The following SMIM36 variants were observed in gnomAD, a reference collection of about 807,000 sequenced individuals.
SMIM36 encodes small integral membrane protein 36.
At chr17:55,506,342 G>A (rs1246862280) in intron 1 of SMIM36, among the ~76,000 whole-genome samples, 1 of 13,346 alleles carries the variant, frequency 7.5e-5, no homozygotes, top group East Asian at 3.0e-3. Context: ...CAAGGCTACA[G>A]TAACCAAAAC....
At chr17:55,464,232 A>G (rs1158135911) in intron 4 of SMIM36, among the ~76,000 whole-genome samples, 3 of 152,206 alleles carry the variant, frequency 2.0e-5, no homozygotes, top group Admixed American at 2.0e-4. Context: ...TTAATTAATT[A>G]ATTGATTGAT....
upstream of SMIM36, among the ~76,000 whole-genome samples, chr17:55,515,213 G>T (rs1373728488): frequency 6.9e-6 from 1 of 144,762 alleles, no homozygotes; most frequent in Non-Finnish European, 1.5e-5. Flanking sequence ...AAAACCAAAT[G>T]CTAGCCATCT....
the SMIM36 span, among the ~76,000 whole-genome samples, chr17:55,524,321 C>T: frequency 6.6e-6 from 1 of 152,100 alleles, no homozygotes; most frequent in Non-Finnish European, 1.5e-5. Context: ...TGTAATCTGT[C>T]ATCGATGGAC....
intron 1 of SMIM36, among the ~76,000 whole-genome samples, chr17:55,492,255 T>C (rs1909722187): frequency 6.9e-6 from 1 of 145,728 alleles, no homozygotes; most frequent in Non-Finnish European, 1.5e-5. Context: ...TTTTTTTTTT[T>C]TTTTTTGAGA....
chr17:55,521,791 C>G, the SMIM36 span, among the ~76,000 whole-genome samples: 1 of 151,912 alleles, frequency 6.6e-6, no homozygotes, highest in Non-Finnish European at 1.5e-5. Flanking sequence ...AGCAGAAAAT[C>G]CTGGGGGCTC....
exon 1 of SMIM36, chr17:55,510,926 G>A: frequency 5.1e-6 from 2 of 395,692 alleles, no homozygotes; most frequent in Admixed American, 8.8e-5. Flanking sequence ...AAAACAGCAA[G>A]TAAGACAGAG....
At chr17:55,510,624 G>A (rs1316757420) in intron 1 of SMIM36, among the ~76,000 whole-genome samples, 1 of 152,036 alleles carries the variant, frequency 6.6e-6, no homozygotes, top group South Asian at 2.1e-4. Context: ...ACAAAAAACT[G>A]GTTGCCTTGG....
At chr17:55,465,457 G>T (rs1224297765) in intron 4 of SMIM36, among the ~76,000 whole-genome samples, 1 of 152,162 alleles carries the variant, frequency 6.6e-6, no homozygotes. Context: ...GAAGACTTAG[G>T]AGTTGGGGTG....
intron 3 of SMIM36, among the ~76,000 whole-genome samples, chr17:55,474,223 G>C (rs936103078): frequency 2.6e-5 from 4 of 152,172 alleles, no homozygotes; most frequent in Non-Finnish European, 4.4e-5. Context: ...TCTGCGGCTT[G>C]TCCTGCTACA....
At chr17:55,501,962 C>T (rs111653047) in intron 1 of SMIM36, among the ~76,000 whole-genome samples, 1,117 of 134,596 alleles carry the variant, frequency 8.3e-3, no homozygotes, top group African/African-American at 0.012. Context: ...AAAGGGGTGA[C>T]GGACGCACCT....
At chr17:55,491,936 A>G (rs569470018) in intron 1 of SMIM36, among the ~76,000 whole-genome samples, 3,929 of 151,952 alleles carry the variant, frequency 0.026, 66 homozygotes, top group South Asian at 0.06. Context: ...GAGGTGGGGG[A>G]ATCACGAGGT....
the SMIM36 span, among the ~76,000 whole-genome samples, chr17:55,531,697 G>C: frequency 6.6e-5 from 10 of 152,152 alleles, no homozygotes; most frequent in African/African-American, 2.2e-4. Flanking sequence ...CTTTGTATGG[G>C]CTACTTTTAT....
intron 4 of SMIM36, among the ~76,000 whole-genome samples, chr17:55,459,714 T>C (rs1011434135): frequency 5.3e-5 from 8 of 152,218 alleles, no homozygotes; most frequent in African/African-American, 1.7e-4. Flanking sequence ...TAAAAATGAT[T>C]TCTTGGCTGG....
At chr17:55,515,084 G>GTTTTTTTT (rs1567874075), upstream of SMIM36, among the ~76,000 whole-genome samples, 8 of 56,154 alleles carry the variant, frequency 1.4e-4, 2 homozygotes, top group Non-Finnish European at 3.6e-4. Context: ...TTCTAGTCTA[G>GTTTTTTTT]TGTTTTTTTT....
chr17:55,528,762 G>T, the SMIM36 span, among the ~76,000 whole-genome samples: 2 of 151,892 alleles, frequency 1.3e-5, no homozygotes, highest in Non-Finnish European at 1.5e-5. Context: ...TGTTGGCCAC[G>T]CTGGTCTCGA....
intron 3 of SMIM36, among the ~76,000 whole-genome samples, chr17:55,476,153 C>A (rs1909422500): frequency 6.6e-6 from 1 of 152,144 alleles, no homozygotes; most frequent in South Asian, 2.1e-4. Context: ...TGGCCTGAAG[C>A]AAGTGAAGAA....
At chr17:55,528,938 G>C in the SMIM36 span, among the ~76,000 whole-genome samples, 1 of 152,230 alleles carries the variant, frequency 6.6e-6, no homozygotes, top group Non-Finnish European at 1.5e-5. Context: ...ATACAGAAAA[G>C]TAGCTAAAGA....
chr17:55,453,512 G>C (rs552200371), intron 4 of SMIM36, among the ~76,000 whole-genome samples: 23 of 152,212 alleles, frequency 1.5e-4, no homozygotes, highest in Non-Finnish European at 3.1e-4. Context: ...TGGCAGTAAC[G>C]ATTTCCAGGT....
At chr17:55,484,398 T>A (rs1909571157) in intron 1 of SMIM36, among the ~76,000 whole-genome samples, 2 of 152,212 alleles carry the variant, frequency 1.3e-5, no homozygotes, top group African/African-American at 4.8e-5. Context: ...AATGTAATAA[T>A]TGATTCAAGC....
Sources: gnomAD v4.1 joint callset for allele counts (sites outside exome capture counted in the v4.1 genomes callset) on GRCh38, gnomAD v4.1.1 for gene constraint, MANE v1.5 for transcripts, NCBI Gene and HGNC (gene_info 2026-07-23, HGNC 2026-07-21) for gene names.